SLC6A6: variants seen among roughly 807,000 people sequenced by gnomAD.
The protein encoded by SLC6A6 is sodium- and chloride-dependent taurine transporter.
SLC6A6 carries 16 observed loss-of-function variants against 68.8 expected under a neutral mutation model. The ratio of observed to expected loss-of-function variants is 0.23; its 90% CI spans 0.16 to 0.35. The LOEUF (loss-of-function observed/expected upper bound fraction) is 0.35. Ranked by LOEUF, SLC6A6 falls within the 10% of genes least tolerant of loss-of-function variation. The pLI is 1.00. For missense variants in SLC6A6, 474 were observed against 802.8 expected (o/e 0.59, Z 4.95); for synonymous variants, 312 against 315.4 (o/e 0.99, Z 0.12).
At chr3:14,414,363 G>A (rs1699317544) in intron 1 of SLC6A6, among the ~76,000 whole-genome samples, 2 of 152,128 alleles carry the variant, frequency 1.3e-5, no homozygotes, top group Admixed American at 6.5e-5. Flanking sequence ...GCTAGGGCTG[G>A]CTCACGTGCC....
chr3:14,474,065 C>T (rs567289623), intron 10 of SLC6A6, among the ~76,000 whole-genome samples: 37 of 152,288 alleles, frequency 2.4e-4, no homozygotes, highest in Admixed American at 2.2e-3. Flanking sequence ...CTTTGCAGAG[C>T]GAGGAACTCA....
chr3:14,432,393 G>A (rs1466017341), intron 2 of SLC6A6, among the ~76,000 whole-genome samples: 1 of 152,196 alleles, frequency 6.6e-6, no homozygotes, highest in Non-Finnish European at 1.5e-5. Flanking sequence ...CAGCAAGAGT[G>A]ACAGCCCTGT....
intron 1 of SLC6A6, among the ~76,000 whole-genome samples, chr3:14,409,711 G>A (rs969293819): frequency 2.8e-4 from 43 of 152,364 alleles, no homozygotes; most frequent in African/African-American, 1.0e-3. Context: ...GCCAAGGCAG[G>A]CCAAGGATCC....
In SLC6A6 at chr3:14,467,918, G is replaced by A. The variant is rs146878732; in HGVS notation, c.933G>A (p.Ser311=). The A allele has an allele frequency of 3.4e-4, 544 of 1,613,892 alleles. 1 individual carries two copies. The highest frequency in any genetic ancestry group is 4.3e-4 in the Non-Finnish European group (504 of 1,179,822). The change falls in exon 8 of 15, where the codon TCG becomes TCA. Residue 311 remains serine, a synonymous_variant. Coordinates refer to ENST00000622186, the MANE Select transcript of SLC6A6 (RefSeq NM_003043.6). The part of the protein sequence containing the change: ...SYAICLGAMT[S]LGSYNKYKYN... ...CCATCTGCCTGGGGGCTATGACCTCGCTGGGGAGCTACAACAAGTACAAGT... is the reference window on the plus strand; with the variant it reads ...CCATCTGCCTGGGGGCTATGACCTCACTGGGGAGCTACAACAAGTACAAGT...
rs969070492 is a variant in SLC6A6, at chr3:14,477,904, C to T, written c.1347+562C>T. ...CAGAAGGGAACGGGAACGTCTAAGACGTGTCTAGCAAGAGGCAAGCCAGAT... is the reference window on the plus strand; with the variant it reads ...CAGAAGGGAACGGGAACGTCTAAGATGTGTCTAGCAAGAGGCAAGCCAGAT... On this transcript the variant is annotated intron_variant, in intron 11 of 14. Coordinates refer to ENST00000622186, the MANE Select transcript of SLC6A6 (RefSeq NM_003043.6). The surrounding 1 kb of genome is among the most constrained non-coding windows in gnomAD (Gnocchi z 4.2). Among the ~76,000 whole-genome samples, 3 of 152,044 alleles carry T rather than the reference C, an allele frequency of 2.0e-5. No individual in the cohort carries two copies. The highest frequency in any genetic ancestry group is 2.9e-5 in the Non-Finnish European group (2 of 68,012).
At chr3:14,411,012 C>T (rs1231506956) in intron 1 of SLC6A6, 1 of 152,412 alleles carries the variant, frequency 6.6e-6, no homozygotes, top group African/African-American at 2.4e-5. Context: ...AGAGATGACA[C>T]CTGGTGTTTC....
Position 14,472,866 on chromosome 3 carries a change from G to T in SLC6A6, c.1209+549G>T, listed in dbSNP as rs1173155099. The stretch of plus-strand genomic sequence containing the variant: ...CTGTGCTCCCTGGAGCGTGCGAGGG[G>T]CTGGGCATTGGCTCCCTCCCGTGCT... On this transcript the variant is annotated intron_variant, in intron 10 of 14. Coordinates refer to ENST00000622186, the MANE Select transcript of SLC6A6 (RefSeq NM_003043.6). This position sits in a 1 kb window ranked among gnomAD's most constrained non-coding sequence, Gnocchi z 4.5. Among the ~76,000 whole-genome samples the T allele has an allele frequency of 6.6e-6, 1 of 152,230 alleles. No individual in the cohort carries two copies. Among genetic ancestry groups the T allele is most frequent in the East Asian group, 1.9e-4 (1 of 5,188 alleles).
Position 14,412,587 on chromosome 3 carries a change from G to C in SLC6A6, c.-53-3825G>C, listed in dbSNP as rs149565005. Among the ~76,000 whole-genome samples, 10 of 152,294 alleles carry C rather than the reference G, an allele frequency of 6.6e-5. 1 individual carries two copies. Among genetic ancestry groups the C allele is most frequent in the African/African-American group, 2.4e-4 (10 of 41,564 alleles). On this transcript the variant is annotated intron_variant, in intron 1 of 14. Transcript: ENST00000622186. ...CCAGCTATTTGGGAGGATGAGCCTG[G>C]TAGGCAGAGATTGTACTGAGCTGAG...
At chr3:14,444,033 A>G (rs980869187) in intron 3 of SLC6A6, 170 bp downstream of exon 3, 8 of 602,934 alleles carry the variant, frequency 1.3e-5, no homozygotes, top group African/African-American at 1.3e-4. Context: ...CCTTAGAGAC[A>G]GGGGATAAGC....
intron 2 of SLC6A6, among the ~76,000 whole-genome samples, chr3:14,435,941 G>C (rs1038351520): frequency 6.6e-6 from 1 of 152,106 alleles, no homozygotes; most frequent in Non-Finnish European, 1.5e-5. Flanking sequence ...TCTTCCCTGC[G>C]ACCTCCCCAC....
chr3:14,437,059 CAT>C (rs1491511865), intron 2 of SLC6A6, among the ~76,000 whole-genome samples: 3 of 56,240 alleles, frequency 5.3e-5, no homozygotes, highest in African/African-American at 2.4e-4. Flanking sequence ...GCCTTTTCCT[CAT>C]GTGTGACTGT....
chr3:14,426,058 C>T (rs939532762), intron 2 of SLC6A6, among the ~76,000 whole-genome samples: 9 of 152,184 alleles, frequency 5.9e-5, no homozygotes, highest in African/African-American at 4.8e-5. Context: ...CGTGAAAATA[C>T]TTTTGATCTG....
At chr3:14,407,510 C>CTTTTT (rs55889836) in intron 1 of SLC6A6, among the ~76,000 whole-genome samples, 1 of 137,500 alleles carries the variant, frequency 7.3e-6, no homozygotes, top group African/African-American at 2.7e-5. Flanking sequence ...TTTTCTTTTT[C>CTTTTT]TTTTTTTTTT....
intron 1 of SLC6A6, among the ~76,000 whole-genome samples, chr3:14,415,712 A>ACCC (rs535564149): frequency 1.6e-4 from 24 of 148,792 alleles, no homozygotes; most frequent in African/African-American, 5.5e-4. Flanking sequence ...AGACAACAGA[A>ACCC]CCCCCCCGCT....
intron 7 of SLC6A6, 54 bp from the exon 8 acceptor site, chr3:14,467,799 A>C: frequency 8.7e-7 from 1 of 1,149,072 alleles, no homozygotes; most frequent in Non-Finnish European, 1.3e-6. Flanking sequence ...TCCTCCAGGA[A>C]GCCAGCTCTG....
rs1183824800 is a variant in SLC6A6 at position 14,472,909 on chromosome 3, C to T, written c.1209+592C>T. On this transcript the variant is annotated intron_variant, in intron 10 of 14. Coordinates refer to ENST00000622186, the MANE Select transcript of SLC6A6 (RefSeq NM_003043.6). The surrounding 1 kb of genome is among the most constrained non-coding windows in gnomAD (Gnocchi z 4.5). ...CCCGTGCTTTATACACCGCACAGGC[C>T]GGGAGCCTCGCTCAAACCCGCCCTG... Among the ~76,000 whole-genome samples, 2 of 152,224 alleles carry T rather than the reference C, an allele frequency of 1.3e-5. No individual in the cohort carries two copies. Among genetic ancestry groups the T allele is most frequent in the African/African-American group, 2.4e-5 (1 of 41,456 alleles).
rs879127082 is a variant in SLC6A6, at chr3:14,416,205, T to G, written c.-53-207T>G. On this transcript the variant is annotated intron_variant, in intron 1 of 14. Coordinates refer to ENST00000622186, the MANE Select transcript of SLC6A6 (RefSeq NM_003043.6). Reference sequence around the variant, plus strand: ...GAGTCTGCATATGATTACACTTGTGTCTGTGCGTCTGCATGTGAGCTTGTG... The same window carrying G: ...GAGTCTGCATATGATTACACTTGTGGCTGTGCGTCTGCATGTGAGCTTGTG... 2.0e-5 allele frequency among the ~76,000 whole-genome samples: 3 copies of G among 152,160 alleles called. No individual in the cohort carries two copies. In the South Asian group the frequency reaches 6.2e-4, roughly 32 times the overall value.
At chr3:14,418,646 T>C (rs1382888401) in intron 2 of SLC6A6, among the ~76,000 whole-genome samples, 1 of 152,246 alleles carries the variant, frequency 6.6e-6, no homozygotes, top group African/African-American at 2.4e-5. Context: ...GTTAACTCTG[T>C]CAACCCAAAG....
chr3:14,430,712 G>A (rs983394257), intron 2 of SLC6A6, among the ~76,000 whole-genome samples: 11 of 152,240 alleles, frequency 7.2e-5, no homozygotes, highest in African/African-American at 2.7e-4. Flanking sequence ...TTTGGAAGAA[G>A]AGCTTATGTT....
Sources: gnomAD v4.1 joint callset for allele counts (sites outside exome capture counted in the v4.1 genomes callset) on GRCh38, gnomAD v4.1.1 for gene constraint, Gnocchi (gnomAD v3.1) non-coding constraint, MANE v1.5 for transcripts, NCBI Gene and HGNC (gene_info 2026-07-23, HGNC 2026-07-21) for gene names.